The following PDPK1 variants were observed in gnomAD, a reference collection of about 807,000 sequenced individuals.
PDPK1 encodes the protein 3-phosphoinositide-dependent protein kinase 1.
PDPK1 carries 7 observed loss-of-function variants against 39.8 expected under a neutral mutation model. The ratio of observed to expected loss-of-function variants is 0.18; its 90% confidence interval spans 0.10 to 0.33. The LOEUF (loss-of-function observed/expected upper bound fraction) is 0.33, where lower values mean the gene tolerates loss of function less well. PDPK1 is among the 10% of genes least tolerant of loss of function. The pLI is 1.00. For synonymous variants in PDPK1, 118 were observed against 159.1 expected (o/e 0.74, Z 1.95); for missense variants, 182 against 384.7 (o/e 0.47, Z 4.41).
In PDPK1 at chr16:2,589,475, G is replaced by A. The variant is rs78747016; in HGVS notation, c.1343+2582G>A. On this transcript the variant is annotated intron_variant, in intron 11 of 13. Transcript: ENST00000342085. ...AGGCCAAGGTGGGTGGATCACTTGA[G>A]CCAGGAATTCGAGAGCAGCCTGGGC... Among the ~76,000 whole-genome samples the A allele has an allele frequency of 2.3e-3, 350 of 152,168 alleles. 1 individual carries two copies. The highest frequency in any genetic ancestry group is 8.0e-3 in the African/African-American group (333 of 41,514).
chr16:2,558,039 G>C, intron 2 of PDPK1, 76 bp downstream of exon 2: 1 of 1,565,328 alleles, frequency 6.4e-7, no homozygotes, highest in Non-Finnish European at 8.8e-7. Context: ...GGGCTTGCCG[G>C]AGACTCCAAG....
chr16:2,590,311 AG>A (rs961326146), intron 11 of PDPK1, among the ~76,000 whole-genome samples: 1 of 152,202 alleles, frequency 6.6e-6, no homozygotes, highest in Non-Finnish European at 1.5e-5. Flanking sequence ...TAGTGAAGAC[AG>A]GGTTTCACTA....
chr16:2,591,462 C>T (rs973406407), intron 11 of PDPK1, among the ~76,000 whole-genome samples: 19 of 152,138 alleles, frequency 1.2e-4, no homozygotes, highest in Admixed American at 3.9e-4. Context: ...ACATTGCAAC[C>T]GAGCTTTAAG....
rs777654625 is a variant in PDPK1, at chr16:2,597,327, A to G, written c.1554+52A>G. On this transcript the variant is annotated intron_variant, in intron 13 of 13. Coordinates refer to ENST00000342085, the MANE Select transcript of PDPK1 (RefSeq NM_002613.5). This position sits in a 1 kb window ranked among gnomAD's most constrained non-coding sequence, Gnocchi z 6.3. The stretch of plus-strand genomic sequence containing the variant: ...GTGCAGGGTAATGGGAGGGCTTTGC[A>G]CCACGTGGGAAGCAGCCACAGGCCT... The G allele has an allele frequency of 1.3e-6, 2 of 1,482,406 alleles. No homozygotes were observed. Among genetic ancestry groups the G allele is most frequent in the Non-Finnish European group, 1.8e-6 (2 of 1,088,912 alleles). 91.8% of individuals were successfully genotyped at this position (1,482,406 alleles called of 1,614,324 possible).
chr16:2,595,685 C>T (rs2067086867), intron 11 of PDPK1, 108 bp from the exon 12 acceptor site: 4 of 850,354 alleles, frequency 4.7e-6, no homozygotes, highest in Non-Finnish European at 8.1e-6. Flanking sequence ...GAGGCTGGCT[C>T]TGTGAGGGGC....
In PDPK1 at chr16:2,598,936, C is replaced by T. The variant is rs2067157783; in HGVS notation, c.*1169C>T. 1.3e-5 allele frequency: 3 copies of T among 233,358 alleles called. No individual in the cohort carries two copies. In the East Asian group the frequency reaches 1.8e-4, roughly 14 times the overall value. The allele number at this position is 233,358 out of a possible 1,614,324, so 14.5% of individuals were successfully genotyped here. On this transcript the variant is annotated 3_prime_UTR_variant, in exon 14 of 14. Coordinates refer to ENST00000342085, the MANE Select transcript of PDPK1 (RefSeq NM_002613.5). ...TCACAGCCTTCTCATGCTGCCGGCT[C>T]ATCTGGGCCCATAGAGTGGGCTTTG...
Position 2,602,868 on chromosome 16 carries a change from ATTG to A in PDPK1, c.*5105_*5107del, listed in dbSNP as rs540470378. 219 of 233,356 alleles carry A rather than the reference ATTG, an allele frequency of 9.4e-4. 1 individual carries two copies. The highest frequency in any genetic ancestry group is 4.4e-3 in the African/African-American group (202 of 45,434). The allele number at this position is 233,356 out of a possible 1,614,324, so 14.5% of individuals were successfully genotyped here. A position where few individuals can be genotyped will look rare whatever the true frequency, so the allele number is the denominator to read the frequency against. On this transcript the variant is annotated 3_prime_UTR_variant, in exon 14 of 14. Transcript: ENST00000342085. ...TCTTATATAAGGTTATTTGCTGGCT[ATTG>A]TTGGCCTCTAGTTCAGTCTGTGTTA... is the stretch of plus-strand genomic sequence containing the variant.
chr16:2,547,003 G>A (rs1317379005), intron 1 of PDPK1, among the ~76,000 whole-genome samples: 26 of 149,488 alleles, frequency 1.7e-4, no homozygotes, highest in African/African-American at 6.3e-4. Context: ...CCCACCGTGT[G>A]CCAGTGCTGG....
At chr16:2,591,630 G>T (rs2066992024) in intron 11 of PDPK1, among the ~76,000 whole-genome samples, 1 of 152,214 alleles carries the variant, frequency 6.6e-6, no homozygotes. Context: ...GAGGCTGGGT[G>T]TTTGCCGTGT....
chr16:2,541,508 G>A (rs1024026470), intron 1 of PDPK1, among the ~76,000 whole-genome samples: 13 of 152,220 alleles, frequency 8.5e-5, no homozygotes, highest in African/African-American at 2.9e-4. Context: ...GATGCCACGT[G>A]GTGCTGCAGT....
rs1375707322 is a variant in PDPK1, at chr16:2,601,260, C to G, written c.*3493C>G. The G allele has an allele frequency of 1.7e-5, 4 of 234,334 alleles. No homozygotes were observed. The highest frequency in any genetic ancestry group is 3.4e-5 in the Non-Finnish European group (4 of 117,900). The allele number at this position is 234,334 out of a possible 1,614,324, so 14.5% of individuals were successfully genotyped here. A position where few individuals can be genotyped will look rare whatever the true frequency, so the allele number is the denominator to read the frequency against. ...TTAGTTGTGTCTTACAGATTCTGAACAAATCGGTTTCTGATAAGCCATGTG... is the reference window on the plus strand; with the variant it reads ...TTAGTTGTGTCTTACAGATTCTGAAGAAATCGGTTTCTGATAAGCCATGTG... On this transcript the variant is annotated 3_prime_UTR_variant, in exon 14 of 14. Coordinates refer to ENST00000342085, the MANE Select transcript of PDPK1 (RefSeq NM_002613.5).
chr16:2,599,775 T>A lies in PDPK1; in HGVS notation c.*2008T>A. ...GTCTCCATGTAGGAGAGTGGCTCTC[T>A]CAGATCTCTCAGGGCGTCTGGTTAT... On this transcript the variant is annotated 3_prime_UTR_variant, in exon 14 of 14. Coordinates refer to ENST00000342085, the MANE Select transcript of PDPK1 (RefSeq NM_002613.5). 1 of 233,748 alleles carries A rather than the reference T, an allele frequency of 4.3e-6. No homozygotes were observed. Among genetic ancestry groups the A allele is most frequent in the Non-Finnish European group, 8.5e-6 (1 of 118,334 alleles). 14.5% of individuals were successfully genotyped at this position (233,748 alleles called of 1,614,324 possible). A position where few individuals can be genotyped will look rare whatever the true frequency, so the allele number is the denominator to read the frequency against.
intron 11 of PDPK1, among the ~76,000 whole-genome samples, chr16:2,592,321 G>T (rs1236604060): frequency 6.6e-6 from 1 of 152,230 alleles, no homozygotes; most frequent in African/African-American, 2.4e-5. Flanking sequence ...CAAGATGGCG[G>T]TGTATGAGAG....
chr16:2,596,392 C>T (rs1218290776), intron 12 of PDPK1, among the ~76,000 whole-genome samples: 3 of 152,200 alleles, frequency 2.0e-5, no homozygotes, highest in Non-Finnish European at 4.4e-5. Context: ...GACGGGGTTT[C>T]ACCGTGTTAG....
chr16:2,552,192 G>C (rs2141952127), intron 1 of PDPK1, among the ~76,000 whole-genome samples: 1 of 148,498 alleles, frequency 6.7e-6, no homozygotes, highest in East Asian at 2.0e-4. Context: ...GACTGGTCTT[G>C]GACTCCTGGA....
At chr16:2,540,774 C>T (rs1289926598) in intron 1 of PDPK1, among the ~76,000 whole-genome samples, 3 of 152,214 alleles carry the variant, frequency 2.0e-5, no homozygotes, top group Non-Finnish European at 4.4e-5. Context: ...GGCCGATACT[C>T]TGAATGGGTG....
intron 10 of PDPK1, among the ~76,000 whole-genome samples, chr16:2,585,144 G>A (rs1002704062): frequency 3.9e-5 from 6 of 152,366 alleles, no homozygotes; most frequent in East Asian, 1.9e-4. Context: ...GTGGGGGTGT[G>A]TGTGCTTGCA....
rs111905533 is a variant in PDPK1 at position 2,597,819 on chromosome 16, G to C, written c.*52G>C. ...GCTGCCAGGACACCTGCCCCAGCGC[G>C]GCTTGGCCGCCATCCGGGACGCTTC... On this transcript the variant is annotated 3_prime_UTR_variant, in exon 14 of 14. Coordinates refer to ENST00000342085, the MANE Select transcript of PDPK1 (RefSeq NM_002613.5). This position sits in a 1 kb window ranked among gnomAD's most constrained non-coding sequence, Gnocchi z 6.3. The C allele has an allele frequency of 7.7e-7, 1 of 1,302,124 alleles. No homozygotes were observed. The highest frequency in any genetic ancestry group is 1.1e-6 in the Non-Finnish European group (1 of 904,200). The allele number at this position is 1,302,124 out of a possible 1,614,324, so 80.7% of individuals were successfully genotyped here.
rs887357640 is a variant in PDPK1, at chr16:2,593,144, G to T, written c.1344-2649G>T. ...CCGAGCGGGAGCACCACTCCTGCAC[G>T]CCCGTGCCTGTGGCATGCCCAGATG... is the stretch of plus-strand genomic sequence containing the variant. On this transcript the variant is annotated intron_variant, in intron 11 of 13. Transcript: ENST00000342085. The surrounding 1 kb of genome is among the most constrained non-coding windows in gnomAD (Gnocchi z 4.2). 2.2e-6 allele frequency: 1 copy of T among 454,258 alleles called. No homozygotes were observed. Among genetic ancestry groups the T allele is most frequent in the South Asian group, 1.6e-5 (1 of 64,452 alleles). The allele number at this position is 454,258 out of a possible 1,614,324, so 28.1% of individuals were successfully genotyped here.
Sources: gnomAD v4.1 joint callset for allele counts (sites outside exome capture counted in the v4.1 genomes callset) on GRCh38, gnomAD v4.1.1 for gene constraint, Gnocchi (gnomAD v3.1) non-coding constraint, MANE v1.5 for transcripts, NCBI Gene and HGNC (gene_info 2026-07-23, HGNC 2026-07-21) for gene names.